BAZ2A: variants seen among roughly 807,000 people sequenced by gnomAD.
BAZ2A encodes the protein bromodomain adjacent to zinc finger domain 2A.
A neutral mutation model predicts 199.9 loss-of-function variants in BAZ2A; 34 were observed. That is an observed-to-expected ratio of 0.17 (90% CI 0.13 to 0.23). The LOEUF is 0.23. Ranked by LOEUF, BAZ2A falls within the 10% of genes least tolerant of loss-of-function variation. BAZ2A has a pLI of 1.00. For synonymous variants in BAZ2A, 857 were observed against 883.9 expected (o/e 0.97, Z 0.54); for missense variants, 2,002 against 2,391.1 (o/e 0.84, Z 3.39).
In BAZ2A at chr12:56,609,798, A is replaced by C. The variant is rs1254132684; in HGVS notation, c.2030T>G (p.Val677Gly). The change falls in exon 10 of 29, where the codon GTC becomes GGC. Residue 677 changes from valine to glycine, a missense_variant. Physicochemically the swap from Val to Gly is moderately radical, Grantham distance 109. Coordinates refer to ENST00000549884, the MANE Select transcript of BAZ2A (RefSeq NM_001300905.2). ...VKRGRGRPPK[V>G]KITELLNKTD... ...CTTGTTCAATAGCTCAGTGATTTTGACCTTAGGTGGCCGACCTCGACCCCG... is the reference window on the plus strand; with the variant it reads ...CTTGTTCAATAGCTCAGTGATTTTGCCCTTAGGTGGCCGACCTCGACCCCG... The C allele has an allele frequency of 6.2e-7, 1 of 1,613,828 alleles. No homozygotes were observed. The highest frequency in any genetic ancestry group is 8.5e-7 in the Non-Finnish European group (1 of 1,179,846).
At chr12:56,604,164 C>T in intron 16 of BAZ2A, 53 bp downstream of exon 16, 4 of 1,519,350 alleles carry the variant, frequency 2.6e-6, no homozygotes, top group Non-Finnish European at 3.6e-6. Flanking sequence ...GGCTATGCTT[C>T]ACCCGCCCCA....
rs947539441 is a variant in BAZ2A, at chr12:56,597,078, G to A, written c.*1540C>T. 6.5e-6 allele frequency: 1 copy of A among 152,694 alleles called. No individual in the cohort carries two copies. The highest frequency in any genetic ancestry group is 2.4e-5 in the African/African-American group (1 of 41,422). 9.5% of individuals were successfully genotyped at this position (152,694 alleles called of 1,614,324 possible). A position where few individuals can be genotyped will look rare whatever the true frequency, so the allele number is the denominator to read the frequency against. On this transcript the variant is annotated 3_prime_UTR_variant, in exon 29 of 29. Transcript: ENST00000549884. Reference sequence around the variant, plus strand: ...CTGAAGGGAGGGGCTCTGCTGAGCAGGAAAAGCAGGGGGCCAAGTGCCCAT... The same window carrying A: ...CTGAAGGGAGGGGCTCTGCTGAGCAAGAAAAGCAGGGGGCCAAGTGCCCAT...
At chr12:56,603,976 G>A (rs1023770413) in intron 16 of BAZ2A, among the ~76,000 whole-genome samples, 5 of 151,994 alleles carry the variant, frequency 3.3e-5, no homozygotes, top group Admixed American at 1.3e-4. Context: ...TTGCGCTATC[G>A]CATTCCAGCC....
chr12:56,634,608 G>A (rs1251873320), upstream of BAZ2A, among the ~76,000 whole-genome samples: 1 of 152,180 alleles, frequency 6.6e-6, no homozygotes, highest in Non-Finnish European at 1.5e-5. Context: ...GGGTTAGGAA[G>A]GCGTGGGAAA....
chr12:56,635,021 T>A, upstream of BAZ2A: 1 of 983,284 alleles, frequency 1.0e-6, no homozygotes, highest in Non-Finnish European at 1.2e-6. The surrounding 1 kb of genome is among the most constrained non-coding windows in gnomAD (Gnocchi z 4.1). Context: ...CGGCTGCGCC[T>A]CCTCCCCCAG....
Position 56,603,611 on chromosome 12 carries a change from C to A in BAZ2A, c.3128G>T (p.Arg1043Leu). 6.2e-7 allele frequency: 1 copy of A among 1,614,036 alleles called. No homozygotes were observed. Among genetic ancestry groups the A allele is most frequent in the Non-Finnish European group, 8.5e-7 (1 of 1,179,910 alleles). The change falls in exon 17 of 29, where the codon CGG becomes CTG. Residue 1043 changes from arginine (R) to leucine (L), a missense_variant. Around this residue, in one of 6 missense-constraint regions of BAZ2A, gnomAD observed 1,081 missense variants for 1,274.7 expected, o/e 0.85. Coordinates refer to ENST00000549884, the MANE Select transcript of BAZ2A (RefSeq NM_001300905.2). ...EECLGRRRSS[R>L]IMEETSGMEE... ...CATGCCACTGGTCTCCTCCATGATC[C>A]GAGAACTGCGCCTCCGTCCCAGGCA...
chr12:56,615,683 A>G (rs770440038), intron 2 of BAZ2A, 76 bp from the exon 3 acceptor site: 12 of 1,109,066 alleles, frequency 1.1e-5, no homozygotes, highest in Admixed American at 2.8e-5. Flanking sequence ...TCAAAGTAAT[A>G]GCACTGACTA....
At chr12:56,618,449 G>A (rs1243147046) in intron 1 of BAZ2A, among the ~76,000 whole-genome samples, 1 of 151,892 alleles carries the variant, frequency 6.6e-6, no homozygotes, top group Admixed American at 6.6e-5. Context: ...ATTTAACTTT[G>A]ACAGAGGAAA....
rs1886052318 is a variant in BAZ2A, at chr12:56,598,415, TCTTA to T, written c.*199_*202del. ...TCCAGAAGGACCTCATCTCTGCACCTCTTACTTGAGGAGCAAGAGGAGGGAAGGG... is the reference window on the plus strand; with the variant it reads ...TCCAGAAGGACCTCATCTCTGCACCTCTTGAGGAGCAAGAGGAGGGAAGGG... On this transcript the variant is annotated 3_prime_UTR_variant, in exon 29 of 29. Transcript: ENST00000549884. 3 of 637,536 alleles carry T rather than the reference TCTTA, an allele frequency of 4.7e-6. No homozygotes were observed. Among genetic ancestry groups the T allele is most frequent in the Admixed American group, 3.1e-5 (1 of 32,732 alleles). The allele number at this position is 637,536 out of a possible 1,614,324, so 39.5% of individuals were successfully genotyped here.
chr12:56,617,601 C>G lies in BAZ2A; in HGVS notation c.-2-69G>C, dbSNP rs780543694. ...ACAAGGTTATGTCACCTGGAATCTT[C>G]CAGGGGCAATGACCCCTCCCCTCCA... is the stretch of plus-strand genomic sequence containing the variant. On this transcript the variant is annotated intron_variant, in intron 1 of 28. Coordinates refer to ENST00000549884, the MANE Select transcript of BAZ2A (RefSeq NM_001300905.2). 3 of 1,492,278 alleles carry G rather than the reference C, an allele frequency of 2.0e-6. No homozygotes were observed. The Admixed American group carries it at 6.2e-5, about 31-fold the overall frequency. 92.4% of individuals were successfully genotyped at this position (1,492,278 alleles called of 1,614,324 possible). A position where few individuals can be genotyped will look rare whatever the true frequency, so the allele number is the denominator to read the frequency against.
intron 1 of BAZ2A, among the ~76,000 whole-genome samples, chr12:56,623,192 C>T (rs575656803): frequency 6.6e-6 from 1 of 151,168 alleles, no homozygotes; most frequent in South Asian, 2.1e-4. Flanking sequence ...GCCGAGATCG[C>T]GTCACTGCAC....
rs1007323268 is a variant in BAZ2A, at chr12:56,599,027, C to T, written c.5403-16G>A. 10 of 1,609,608 alleles carry T rather than the reference C, an allele frequency of 6.2e-6. No homozygotes were observed. Among genetic ancestry groups the T allele is most frequent in the Middle Eastern group, 3.3e-4 (2 of 6,078 alleles). ...CAGGATAATCCTATCATTAGAGGGA[C>T]AATGATGGCTCCATCTCAGGAAGCA... On this transcript the variant is annotated splice_polypyrimidine_tract_variant and intron_variant, in intron 27 of 28. Transcript: ENST00000549884.
intron 19 of BAZ2A, 55 bp from the exon 20 acceptor site, chr12:56,602,247 G>A (rs930886935): frequency 7.0e-7 from 1 of 1,430,722 alleles, no homozygotes; most frequent in African/African-American, 1.4e-5. Context: ...GGAAAAGTAA[G>A]AGGGTATATA....
In BAZ2A at chr12:56,615,130, T is replaced by C. The variant is rs919982244; in HGVS notation, c.614A>G (p.Gln205Arg). ...GSSIQTFAPS[Q>R]EVGSGIHPDE... The stretch of plus-strand genomic sequence containing the variant: ...AGGATGGATACCACTGCCTACCTCC[T>C]GGGAGGGTGCAAAGGTTTGAATGCT... The change falls in exon 3 of 29, where the codon CAG becomes CGG. Residue 205 changes from glutamine (Q) to arginine (R), a missense_variant. Physicochemically the swap from Gln to Arg is conservative, Grantham distance 43. Coordinates refer to ENST00000549884, the MANE Select transcript of BAZ2A (RefSeq NM_001300905.2). 6.2e-7 allele frequency: 1 copy of C among 1,613,752 alleles called. No individual in the cohort carries two copies. The highest frequency in any genetic ancestry group is 1.3e-5 in the African/African-American group (1 of 75,026).
Position 56,600,597 on chromosome 12 carries a change from T to C in BAZ2A, c.4602+84A>G, listed in dbSNP as rs762801778. On this transcript the variant is annotated intron_variant, in intron 23 of 28. Coordinates refer to ENST00000549884, the MANE Select transcript of BAZ2A (RefSeq NM_001300905.2). ...CACTTAAGGTAGGTCACCTGTGAAGTAGGGACCCAGGGTTTTTTCTAACAG... is the reference window on the plus strand; with the variant it reads ...CACTTAAGGTAGGTCACCTGTGAAGCAGGGACCCAGGGTTTTTTCTAACAG... 7.0e-6 allele frequency: 11 copies of C among 1,570,656 alleles called. 1 individual carries two copies. The highest frequency in any genetic ancestry group is 1.2e-5 in the South Asian group (1 of 84,138).
chr12:56,615,045 T>G lies in BAZ2A; in HGVS notation c.699A>C (p.Val233=). The change falls in exon 3 of 29, where the codon GTA becomes GTC. Residue 233 remains valine (V), a synonymous_variant. Transcript: ENST00000549884. ...SVVAENGTGL[V]GSLELEEEQP... is the part of the protein sequence containing the mutation. ...GCTCTTCTTCCAGCTCCAAGCTGCC[T>G]ACCAAGCCAGTGCCATTCTCTGCCA... 6.2e-7 allele frequency: 1 copy of G among 1,613,340 alleles called. No individual in the cohort carries two copies. The highest frequency in any genetic ancestry group is 8.5e-7 in the Non-Finnish European group (1 of 1,179,722).
chr12:56,601,426 G>A, intron 20 of BAZ2A, 24 bp from the exon 21 acceptor site: 1 of 1,604,642 alleles, frequency 6.2e-7, no homozygotes, highest in South Asian at 1.1e-5. Flanking sequence ...GAGACATAAG[G>A]AAATGAGGAT....
intron 1 of BAZ2A, among the ~76,000 whole-genome samples, chr12:56,628,320 C>T (rs1206063189): frequency 1.3e-5 from 2 of 151,364 alleles, no homozygotes; most frequent in African/African-American, 4.9e-5. Flanking sequence ...GCACACAGTC[C>T]ATCACTATAT....
chr12:56,608,199 C>T lies in BAZ2A; in HGVS notation c.2093-1466G>A, dbSNP rs755330807. Among the ~76,000 whole-genome samples, 19 of 151,908 alleles carry T rather than the reference C, an allele frequency of 1.3e-4. 2 individuals carry two copies. The highest frequency in any genetic ancestry group is 9.8e-4 in the Admixed American group (15 of 15,254). ...CATCCTGGCTAACATGGTGAAACCC[C>T]GTCTCTACTAAAAATACAAAAAATT... On this transcript the variant is annotated intron_variant, in intron 10 of 28. Transcript: ENST00000549884.
Sources: allele counts gnomAD v4.1 joint callset (sites outside exome capture counted in the v4.1 genomes callset), GRCh38; gene constraint gnomAD v4.1.1; regional missense constraint gnomAD v4.1.1; non-coding constraint Gnocchi (gnomAD v3.1); transcripts MANE v1.5; gene names NCBI Gene and HGNC (gene_info 2026-07-23, HGNC 2026-07-21).